SYNPO2: variants seen among roughly 807,000 people sequenced by gnomAD.
SYNPO2 encodes the protein synaptopodin 2.
In SYNPO2, 56 loss-of-function variants were observed where a neutral mutation model predicts 85.0. The ratio of observed to expected loss-of-function variants is 0.66; its 90% confidence interval spans 0.53 to 0.82. The LOEUF (loss-of-function observed/expected upper bound fraction) is 0.82, where lower values mean the gene tolerates loss of function less well. Ranked by LOEUF, SYNPO2 falls within the 40% of genes least tolerant of loss-of-function variation. The probability of loss-of-function intolerance (pLI) is 0.00; values close to 1 mark genes in which losing one functional copy is unlikely to be tolerated. For missense variants in SYNPO2, 1,575 were observed against 1,534.2 expected, an observed-to-expected ratio of 1.03 and a Z score of -0.44; for synonymous variants, 602 against 591.1, an observed-to-expected ratio of 1.02 and a Z score of -0.27.
chr4:119,050,806 A>G (rs1720477485), intron 4 of SYNPO2, among the ~76,000 whole-genome samples: 1 of 152,206 alleles, frequency 6.6e-6, no homozygotes, highest in Non-Finnish European at 1.5e-5. Flanking sequence ...CTCTAAATGC[A>G]CACAGACTGA....
intron 1 of SYNPO2, among the ~76,000 whole-genome samples, chr4:119,020,732 C>T (rs1201090895): frequency 6.6e-6 from 1 of 152,056 alleles, no homozygotes; most frequent in Non-Finnish European, 1.5e-5. Flanking sequence ...GTATTACCTA[C>T]CTAATTTTTT....
intron 1 of SYNPO2, among the ~76,000 whole-genome samples, chr4:118,905,753 TCTC>T (rs1732915790): frequency 6.6e-6 from 1 of 152,144 alleles, no homozygotes; most frequent in African/African-American, 2.4e-5. Flanking sequence ...GCTCTCATGT[TCTC>T]CTGAATGTGT....
chr4:118,904,375 G>C (rs1018413015), intron 1 of SYNPO2, among the ~76,000 whole-genome samples: 1 of 152,150 alleles, frequency 6.6e-6, no homozygotes, highest in East Asian at 1.9e-4. Context: ...TGTAGTCCTT[G>C]GAGTCCCACC....
At chr4:118,996,272 C>T (rs950995058) in intron 1 of SYNPO2, among the ~76,000 whole-genome samples, 3 of 152,168 alleles carry the variant, frequency 2.0e-5, no homozygotes, top group Non-Finnish European at 4.4e-5. Context: ...TTTTACTCAT[C>T]TCCCAAAATC....
chr4:118,981,719 T>A (rs902731719), intron 1 of SYNPO2, among the ~76,000 whole-genome samples: 1 of 152,186 alleles, frequency 6.6e-6, no homozygotes, highest in Non-Finnish European at 1.5e-5. Flanking sequence ...AGCCAGTTAC[T>A]TGGTAATTAA....
intron 1 of SYNPO2, among the ~76,000 whole-genome samples, chr4:118,879,647 A>T (rs1328416743): frequency 6.6e-6 from 1 of 152,138 alleles, no homozygotes; most frequent in South Asian, 2.1e-4. Context: ...CGCCCAGCGT[A>T]TGATACTGTG....
chr4:119,000,601 A>G (rs1736788922), intron 1 of SYNPO2, among the ~76,000 whole-genome samples: 1 of 152,168 alleles, frequency 6.6e-6, no homozygotes, highest in Admixed American at 6.5e-5. Context: ...GCAATGTGGC[A>G]TGGTGCTGAA....
At chr4:118,922,417 G>C (rs1560867681) in intron 1 of SYNPO2, among the ~76,000 whole-genome samples, 1 of 151,960 alleles carries the variant, frequency 6.6e-6, no homozygotes, top group South Asian at 2.1e-4. Context: ...GATTCCTTTT[G>C]GAAGTAAAAT....
intron 1 of SYNPO2, among the ~76,000 whole-genome samples, chr4:118,899,137 C>T (rs1475985827): frequency 6.6e-6 from 1 of 152,126 alleles, no homozygotes; most frequent in East Asian, 1.9e-4. Flanking sequence ...TCCATTAGAC[C>T]AGTGATAGCC....
intron 1 of SYNPO2, among the ~76,000 whole-genome samples, chr4:118,979,935 G>A (rs930779201): frequency 6.6e-6 from 1 of 152,158 alleles, no homozygotes; most frequent in South Asian, 2.1e-4. Flanking sequence ...TCTGTGCCTC[G>A]TGTTATTCTC....
At position 118,908,566 on chromosome 4, in the gene SYNPO2, G is replaced by A. The variant is rs115295625; in HGVS notation, c.105+19425G>A. Among the ~76,000 whole-genome samples, 1,063 of 152,198 alleles carry A rather than the reference G, an allele frequency of 7.0e-3. 15 individuals are homozygous for A. Among genetic ancestry groups the A allele is most frequent in the African/African-American group, 0.021 (883 of 41,536 alleles). On this transcript the variant is annotated intron_variant, in intron 1 of 4. Coordinates refer to ENST00000307142, the MANE Select transcript of SYNPO2 (RefSeq NM_133477.3). The stretch of plus-strand genomic sequence containing the variant: ...ATGTTCTAAAAGCAATGGGCAGGAA[G>A]GTATTAAAGCTTAGGAAGTCTGGGT...
intron 1 of SYNPO2, among the ~76,000 whole-genome samples, chr4:118,978,323 A>C (rs1261820667): frequency 6.6e-6 from 1 of 152,140 alleles, no homozygotes; most frequent in South Asian, 2.1e-4. Flanking sequence ...CATTTTATTT[A>C]CTTTTTAGAA....
At chr4:118,858,211 AG>A (rs1731542741) in intron 1 of SYNPO2, among the ~76,000 whole-genome samples, 1 of 152,108 alleles carries the variant, frequency 6.6e-6, no homozygotes, top group African/African-American at 2.4e-5. Flanking sequence ...GGTATGTAAC[AG>A]GGAAGATAGG....
At chr4:118,929,629 T>C (rs1733853349) in intron 1 of SYNPO2, among the ~76,000 whole-genome samples, 1 of 152,176 alleles carries the variant, frequency 6.6e-6, no homozygotes, top group South Asian at 2.1e-4. Context: ...TCATTTTTTT[T>C]TGTTGTACAA....
intron 1 of SYNPO2, among the ~76,000 whole-genome samples, chr4:118,867,021 A>G (rs1731708386): frequency 6.6e-6 from 1 of 152,176 alleles, no homozygotes; most frequent in African/African-American, 2.4e-5. Context: ...GGGGTTAACA[A>G]ACTGAAACTT....
intron 1 of SYNPO2, among the ~76,000 whole-genome samples, chr4:119,019,369 ATATAT>A (rs1417866983): frequency 6.6e-6 from 1 of 152,170 alleles, no homozygotes; most frequent in Non-Finnish European, 1.5e-5. Flanking sequence ...TCAGGGTCTA[ATATAT>A]TATATGTAGA....
At chr4:119,004,362 G>A (rs1736937893) in intron 1 of SYNPO2, among the ~76,000 whole-genome samples, 2 of 151,164 alleles carry the variant, frequency 1.3e-5, no homozygotes, top group Admixed American at 6.6e-5. Context: ...ATCTCCTAAT[G>A]CTATCCCTAC....
chr4:119,054,941 C>G (rs982437630), intron 4 of SYNPO2, among the ~76,000 whole-genome samples: 4 of 152,112 alleles, frequency 2.6e-5, no homozygotes, highest in Non-Finnish European at 5.9e-5. Flanking sequence ...TCTCCCAGGG[C>G]CTCTGTAGAC....
Position 119,001,307 on chromosome 4 carries a change from G to A in SYNPO2, c.106-22123G>A, listed in dbSNP as rs146445806. Among the ~76,000 whole-genome samples the A allele has an allele frequency of 6.7e-3, 1,018 of 152,214 alleles. 15 individuals are homozygous for A. The highest frequency in any genetic ancestry group is 0.023 in the African/African-American group (968 of 41,544). ...TTAAATCAAACATAGCCTTGTACAC[G>A]AGACACAGATACATTTATATATATT... On this transcript the variant is annotated intron_variant, in intron 1 of 4. Transcript: ENST00000307142.
Sources: gnomAD v4.1 joint callset for allele counts (sites outside exome capture counted in the v4.1 genomes callset) on GRCh38, gnomAD v4.1.1 for gene constraint, MANE v1.5 for transcripts, NCBI Gene and HGNC (gene_info 2026-07-23, HGNC 2026-07-21) for gene names.